DACH1: variants seen among roughly 807,000 people sequenced by gnomAD.
The protein encoded by DACH1 is dachshund family transcription factor 1.
In DACH1, 12 loss-of-function variants were observed where a neutral mutation model predicts 54.2. That is an observed-to-expected ratio of 0.22 (90% CI 0.14 to 0.36). The LOEUF is 0.36. Ranked by LOEUF, DACH1 falls within the 10% of genes least tolerant of loss-of-function variation. The pLI, the probability that DACH1 is intolerant of heterozygous loss-of-function variation, is 1.00. For missense variants in DACH1, 805 were observed against 929.8 expected, an observed-to-expected ratio of 0.87 and a Z score of 1.75; for synonymous variants, 386 against 366.2, an observed-to-expected ratio of 1.05 and a Z score of -0.62.
chr13:71,712,392 T>C (rs1006790234), intron 1 of DACH1, among the ~76,000 whole-genome samples: 4 of 152,094 alleles, frequency 2.6e-5, no homozygotes, highest in East Asian at 1.9e-4. Context: ...ATGGGTATCA[T>C]TAATATTTTT....
At chr13:71,816,860 TGAG>T (rs372258414) in intron 1 of DACH1, among the ~76,000 whole-genome samples, 28 of 152,052 alleles carry the variant, frequency 1.8e-4, no homozygotes, top group African/African-American at 6.5e-4. Flanking sequence ...AGCTAAATGA[TGAG>T]AACACATGGA....
intron 2 of DACH1, among the ~76,000 whole-genome samples, chr13:71,658,858 A>T (rs1879309858): frequency 1.3e-5 from 2 of 152,200 alleles, no homozygotes; most frequent in Non-Finnish European, 2.9e-5. Flanking sequence ...GCACACATAT[A>T]CTTCCTTGAT....
At chr13:71,673,962 G>A (rs1880382647) in intron 2 of DACH1, among the ~76,000 whole-genome samples, 1 of 152,062 alleles carries the variant, frequency 6.6e-6, no homozygotes, top group Non-Finnish European at 1.5e-5. Context: ...CTTTAATCTG[G>A]AGCCTAACTG....
At chr13:71,811,475 A>AT (rs1286587372) in intron 1 of DACH1, among the ~76,000 whole-genome samples, 1 of 152,210 alleles carries the variant, frequency 6.6e-6, no homozygotes, top group Non-Finnish European at 1.5e-5. Context: ...CTAATAAAGA[A>AT]TAAAGCTCTC....
intron 1 of DACH1, among the ~76,000 whole-genome samples, chr13:71,740,958 G>A (rs1316158527): frequency 2.0e-5 from 3 of 152,000 alleles, no homozygotes; most frequent in East Asian, 3.9e-4. Flanking sequence ...CAGATAAAGC[G>A]AAGACTTTTT....
At chr13:71,504,071 A>T (rs1458570515) in intron 6 of DACH1, among the ~76,000 whole-genome samples, 1 of 152,142 alleles carries the variant, frequency 6.6e-6, no homozygotes, top group East Asian at 1.9e-4. Context: ...ACTATATATA[A>T]GTTAAAAATA....
intron 3 of DACH1, among the ~76,000 whole-genome samples, chr13:71,594,705 CATTAATGTTTTTGTTAAATATCA>C (rs1352836408): frequency 6.6e-6 from 1 of 152,008 alleles, no homozygotes; most frequent in Non-Finnish European, 1.5e-5. Context: ...TTTCTGGAAA[CATTAATGTTTTTGTTAAATATCA>C]ACAAACCGGC....
intron 7 of DACH1, among the ~76,000 whole-genome samples, chr13:71,487,243 T>C (rs1278937418): frequency 6.6e-6 from 1 of 152,194 alleles, no homozygotes; most frequent in Non-Finnish European, 1.5e-5. Flanking sequence ...ATAAATTATT[T>C]AGCTTGTCTT....
intron 1 of DACH1, among the ~76,000 whole-genome samples, chr13:71,852,150 A>G (rs1229077060): frequency 6.6e-6 from 1 of 152,232 alleles, no homozygotes; most frequent in Non-Finnish European, 1.5e-5. Flanking sequence ...TGTATTAAAC[A>G]TAGCAATCCA....
In DACH1 at chr13:71,636,862, G is replaced by A. The variant is rs559000109; in HGVS notation, c.965-6145C>T. Reference sequence around the variant, plus strand: ...TACACAGAACTTAGAAACGTGGCTTGTCATATTACTATCTGAATTATGATG... The same window carrying A: ...TACACAGAACTTAGAAACGTGGCTTATCATATTACTATCTGAATTATGATG... On this transcript the variant is annotated intron_variant, in intron 2 of 10. Coordinates refer to ENST00000613252, the MANE Select transcript of DACH1 (RefSeq NM_080759.6). 2.4e-4 allele frequency among the ~76,000 whole-genome samples: 36 copies of A among 152,224 alleles called. No individual in the cohort carries two copies. The South Asian group carries it at 6.0e-3, about 25-fold the overall frequency.
chr13:71,761,632 G>A (rs967399883), intron 1 of DACH1, among the ~76,000 whole-genome samples: 1 of 152,072 alleles, frequency 6.6e-6, no homozygotes, highest in African/African-American at 2.4e-5. Flanking sequence ...TCTGGGGTTG[G>A]GCAGGCAGGG....
At chr13:71,672,427 C>G (rs1880259844) in intron 2 of DACH1, among the ~76,000 whole-genome samples, 1 of 152,040 alleles carries the variant, frequency 6.6e-6, no homozygotes, top group South Asian at 2.1e-4. Flanking sequence ...AATTTTACAT[C>G]TTTACAAAGG....
chr13:71,606,242 T>C (rs1874873823), intron 3 of DACH1, among the ~76,000 whole-genome samples: 1 of 152,084 alleles, frequency 6.6e-6, no homozygotes, highest in Non-Finnish European at 1.5e-5. Context: ...TAAAATTGAA[T>C]GTAAACAATA....
chr13:71,499,131 A>T (rs528553771), intron 6 of DACH1, among the ~76,000 whole-genome samples: 3 of 48,132 alleles, frequency 6.2e-5, no homozygotes, highest in African/African-American at 1.3e-4. Context: ...ACACACACAC[A>T]CGCAGACACA....
intron 1 of DACH1, among the ~76,000 whole-genome samples, chr13:71,817,039 G>A (rs900604512): frequency 1.1e-4 from 17 of 152,094 alleles, no homozygotes; most frequent in African/African-American, 3.9e-4. Flanking sequence ...GGAAACCTAC[G>A]CTTGTACCCC....
At chr13:71,703,026 G>A (rs543277597) in intron 1 of DACH1, among the ~76,000 whole-genome samples, 34 of 152,264 alleles carry the variant, frequency 2.2e-4, no homozygotes, top group African/African-American at 8.2e-4. Flanking sequence ...AGTTGGTTAG[G>A]ATTTAATCAT....
intron 1 of DACH1, among the ~76,000 whole-genome samples, chr13:71,810,254 A>G (rs1887661050): frequency 6.6e-6 from 1 of 152,182 alleles, no homozygotes; most frequent in Admixed American, 6.5e-5. Flanking sequence ...GCTGAGAGAT[A>G]GGTTAAATAG....
intron 1 of DACH1, among the ~76,000 whole-genome samples, chr13:71,843,901 C>T (rs1368776820): frequency 4.6e-5 from 7 of 152,096 alleles, no homozygotes; most frequent in African/African-American, 1.7e-4. Flanking sequence ...TATTCCTTAT[C>T]AATATTTAAA....
At chr13:71,483,202 AAGAAG>A (rs1454213696) in intron 7 of DACH1, among the ~76,000 whole-genome samples, 1 of 151,886 alleles carries the variant, frequency 6.6e-6, no homozygotes, top group Admixed American at 6.6e-5. Flanking sequence ...GACAGGAACA[AAGAAG>A]AGAAGACTCA....
Sources: gnomAD v4.1 joint callset for allele counts (sites outside exome capture counted in the v4.1 genomes callset) on GRCh38, gnomAD v4.1.1 for gene constraint, MANE v1.5 for transcripts, NCBI Gene and HGNC (gene_info 2026-07-23, HGNC 2026-07-21) for gene names.